The following BMP2K variants were observed in gnomAD, a reference collection of about 807,000 sequenced individuals.
BMP2K encodes BMP-2-inducible protein kinase.
In BMP2K, 74 loss-of-function variants were observed where a neutral mutation model predicts 116.0. The observed-to-expected ratio is 0.64, with a 90% CI of 0.53 to 0.77. The LOEUF is 0.77. BMP2K is among the 30% of genes least tolerant of loss of function. The probability of loss-of-function intolerance (pLI) is 0.00; values close to 1 mark genes in which losing one functional copy is unlikely to be tolerated. For missense variants in BMP2K, 1,365 were observed against 1,403.6 expected (o/e 0.97, Z 0.44); for synonymous variants, 486 against 502.5 (o/e 0.97, Z 0.44).
rs769587908 is a variant in BMP2K at position 78,833,685 on chromosome 4, G to A, written c.401G>A (p.Arg134Gln). 1.4e-5 allele frequency: 23 copies of A among 1,594,826 alleles called. No homozygotes were observed. Among genetic ancestry groups the A allele is most frequent in the East Asian group, 2.3e-5 (1 of 44,046 alleles). Residue 134 changes from arginine to glutamine, a missense_variant and splice_region_variant, in exon 3 of 16, where the codon CGA (arginine) becomes CAA (glutamine). Coordinates refer to ENST00000502613, the MANE Select transcript of BMP2K (RefSeq NM_198892.2). ...GTCCTTATCTTAATGGAATATTGTCGAGGTAAGTATTTTTTTGCATTTGTA... is the reference window on the plus strand; with the variant it reads ...GTCCTTATCTTAATGGAATATTGTCAAGGTAAGTATTTTTTTGCATTTGTA... ...WEVLILMEYC[R>Q]AGQVVNQMNK...
intron 6 of BMP2K, among the ~76,000 whole-genome samples, chr4:78,848,847 T>C (rs1364505597): frequency 1.3e-5 from 2 of 151,410 alleles, no homozygotes; most frequent in African/African-American, 4.8e-5. Flanking sequence ...TGTATTTATA[T>C]GCTTGAAAGA....
intron 7 of BMP2K, among the ~76,000 whole-genome samples, chr4:78,854,586 C>T (rs1340871053): frequency 1.3e-5 from 2 of 151,954 alleles, no homozygotes; most frequent in African/African-American, 4.8e-5. Context: ...TATTTATTGA[C>T]AGGATCTAGC....
chr4:78,804,973 C>CA (rs1442826554), intron 1 of BMP2K, among the ~76,000 whole-genome samples: 2 of 151,856 alleles, frequency 1.3e-5, no homozygotes, highest in South Asian at 2.1e-4. Context: ...ATGTTAATGT[C>CA]AAAAAATCAT....
chr4:78,777,242 C>T (rs557176421), intron 1 of BMP2K, among the ~76,000 whole-genome samples: 1 of 152,240 alleles, frequency 6.6e-6, no homozygotes, highest in Admixed American at 6.5e-5. Context: ...TGGAGGTGAT[C>T]CTTTGCTCTA....
At chr4:78,781,462 A>G (rs1250440506) in intron 1 of BMP2K, among the ~76,000 whole-genome samples, 3 of 150,618 alleles carry the variant, frequency 2.0e-5, no homozygotes, top group Non-Finnish European at 4.4e-5. Flanking sequence ...GAGGACAGCC[A>G]GTAGTTCAGA....
rs1461210880 is a variant in BMP2K at position 78,851,010 on chromosome 4, C to T, written c.837C>T (p.Thr279=). The T allele has an allele frequency of 6.2e-7, 1 of 1,611,816 alleles. No homozygotes were observed. The highest frequency in any genetic ancestry group is 8.5e-7 in the Non-Finnish European group (1 of 1,178,692). ...SQVAICDGNF[T]IPDNSRYSRN... The stretch of plus-strand genomic sequence containing the variant: ...TTGCTATCTGTGATGGCAACTTCAC[C>T]ATCCCAGACAATTCTCGTTACTCCC... Residue 279 remains threonine, a synonymous_variant, in exon 7 of 16, where the codon ACC becomes ACT. Coordinates refer to ENST00000502613, the MANE Select transcript of BMP2K (RefSeq NM_198892.2).
chr4:78,894,333 G>A (rs6854774), intron 15 of BMP2K, among the ~76,000 whole-genome samples: 20,302 of 152,156 alleles, frequency 0.13, 2,509 homozygotes, highest in African/African-American at 0.33. Context: ...GCTGTTTTCT[G>A]TATTGAAAAT....
At chr4:78,841,105 A>G (rs1472965009) in intron 3 of BMP2K, among the ~76,000 whole-genome samples, 1 of 152,198 alleles carries the variant, frequency 6.6e-6, no homozygotes, top group Non-Finnish European at 1.5e-5. Context: ...TTGGGGATTC[A>G]TAGGTAAAAT....
chr4:78,780,616 TAGAG>T (rs937647580), intron 1 of BMP2K, among the ~76,000 whole-genome samples: 2 of 152,252 alleles, frequency 1.3e-5, no homozygotes, highest in South Asian at 2.1e-4. Context: ...GAAGAGAAGA[TAGAG>T]AGGATAGAAA....
chr4:78,911,989 G>A lies in BMP2K; in HGVS notation c.3442G>A (p.Glu1148Lys), dbSNP rs754970059. The stretch of plus-strand genomic sequence containing the variant: ...TCAGTCCCAACAGTCCCAACCAGTC[G>A]AATTAGACCCATTTGGTGCTGCTCC... ...PHQSQQSQPV[E>K]LDPFGAAPFP... Residue 1148 changes from glutamate (E) to lysine (K), a missense_variant, in exon 16 of 16, where the codon GAA becomes AAA. Physicochemically the swap from Glu to Lys is moderately conservative, Grantham distance 56. Coordinates refer to ENST00000502613, the MANE Select transcript of BMP2K (RefSeq NM_198892.2). 3 of 1,613,634 alleles carry A rather than the reference G, an allele frequency of 1.9e-6. No individual in the cohort carries two copies. Among genetic ancestry groups the A allele is most frequent in the Admixed American group, 1.7e-5 (1 of 60,018 alleles).
intron 13 of BMP2K, among the ~76,000 whole-genome samples, chr4:78,876,299 G>A (rs1204408467): frequency 6.6e-6 from 1 of 151,432 alleles, no homozygotes; most frequent in Non-Finnish European, 1.5e-5. Context: ...CATCTGATCT[G>A]TGTTTTAAGG....
chr4:78,804,756 CT>C (rs1256196716), intron 1 of BMP2K, among the ~76,000 whole-genome samples: 1 of 146,864 alleles, frequency 6.8e-6, no homozygotes, highest in Non-Finnish European at 1.5e-5. Flanking sequence ...TTCTATTCTG[CT>C]TTTTGTAAAA....
At chr4:78,785,951 C>G (rs1183974427) in intron 1 of BMP2K, among the ~76,000 whole-genome samples, 1 of 152,178 alleles carries the variant, frequency 6.6e-6, no homozygotes, top group Admixed American at 6.5e-5. Context: ...ACTCGTTACT[C>G]TAGGATTCAG....
At position 78,887,189 on chromosome 4, in the gene BMP2K, G is replaced by C; in HGVS notation, c.1967G>C (p.Arg656Thr). Residue 656 changes from arginine (R) to threonine (T), a missense_variant, in exon 15 of 16, where the codon AGA becomes ACA. Physicochemically the swap from Arg to Thr is moderately conservative, Grantham distance 71 (BLOSUM62 -1). Coordinates refer to ENST00000502613, the MANE Select transcript of BMP2K (RefSeq NM_198892.2). ...DLLRSNRLEE[R>T]ASSDKNVDSL... ...ATTTTTGCAGATAGGCTCGAGGAGA[G>C]AGCATCCTCAGATAAGAATGTAGAC... is the stretch of plus-strand genomic sequence containing the variant. 1.9e-6 allele frequency: 3 copies of C among 1,606,872 alleles called. No homozygotes were observed. The highest frequency in any genetic ancestry group is 2.7e-5 in the African/African-American group (2 of 74,874).
intron 6 of BMP2K, among the ~76,000 whole-genome samples, chr4:78,847,953 G>A (rs1398844348): frequency 6.6e-6 from 1 of 151,586 alleles, no homozygotes; most frequent in African/African-American, 2.4e-5. Context: ...TATTAGGAAT[G>A]GAGGAATAAA....
chr4:78,902,638 C>T (rs1424472755), intron 15 of BMP2K, among the ~76,000 whole-genome samples: 1 of 152,110 alleles, frequency 6.6e-6, no homozygotes, highest in African/African-American at 2.4e-5. Context: ...CTTCTATAAT[C>T]TGATAGGTAA....
intron 1 of BMP2K, among the ~76,000 whole-genome samples, chr4:78,784,396 A>G (rs996556943): frequency 2.0e-5 from 3 of 152,202 alleles, no homozygotes; most frequent in South Asian, 2.1e-4. Flanking sequence ...TGAACCATTC[A>G]TCTACCCACA....
At chr4:78,875,457 A>G (rs1189573230) in intron 13 of BMP2K, among the ~76,000 whole-genome samples, 1 of 152,204 alleles carries the variant, frequency 6.6e-6, no homozygotes, top group Non-Finnish European at 1.5e-5. Context: ...AGAGAGTATT[A>G]CTGTGTTATA....
At chr4:78,825,926 T>C in intron 1 of BMP2K, 111 bp from the exon 2 acceptor site, 1 of 814,414 alleles carries the variant, frequency 1.2e-6, no homozygotes, top group Non-Finnish European at 2.0e-6. Context: ...CTTGTTTTTG[T>C]CTTGGGTACA....
Sources: gnomAD v4.1 joint callset for allele counts (sites outside exome capture counted in the v4.1 genomes callset) on GRCh38, gnomAD v4.1.1 for gene constraint, MANE v1.5 for transcripts, NCBI Gene and HGNC (gene_info 2026-07-23, HGNC 2026-07-21) for gene names.